Variants in NEK1 observed in about 807,000 individuals in gnomAD.
The protein encoded by NEK1 is serine/threonine-protein kinase Nek1.
NEK1 carries 137 observed loss-of-function variants against 182.1 expected under a neutral mutation model. The observed-to-expected ratio is 0.75, with a 90% confidence interval of 0.65 to 0.87. NEK1 has a LOEUF of 0.87. Among genes scored for constraint, NEK1 ranks in the 40% least tolerant of loss-of-function variants. The pLI, the probability that NEK1 is intolerant of heterozygous loss-of-function variation, is 0.00. For synonymous variants in NEK1, 513 were observed against 492.2 expected, an observed-to-expected ratio of 1.04 and a Z score of -0.56; for missense variants, 1,391 against 1,494.4, an observed-to-expected ratio of 0.93 and a Z score of 1.14.
chr4:169,596,735 G>C (rs1769560028), intron 5 of NEK1, among the ~76,000 whole-genome samples: 1 of 152,168 alleles, frequency 6.6e-6, no homozygotes, highest in African/African-American at 2.4e-5. Context: ...CAGTTTAATG[G>C]AGCTCTAAGT....
At chr4:169,608,987 G>C (rs1437833670) in intron 2 of NEK1, among the ~76,000 whole-genome samples, 1 of 151,080 alleles carries the variant, frequency 6.6e-6, no homozygotes, top group Non-Finnish European at 1.5e-5. Flanking sequence ...CTTGAACCTG[G>C]GAGGCAGAGG....
At chr4:169,605,215 G>A (rs1771135237) in intron 2 of NEK1, among the ~76,000 whole-genome samples, 1 of 152,040 alleles carries the variant, frequency 6.6e-6, no homozygotes, top group Non-Finnish European at 1.5e-5. Context: ...CCTTTCTAGG[G>A]ACCACACTAA....
intron 27 of NEK1, among the ~76,000 whole-genome samples, chr4:169,448,644 C>T (rs1176717507): frequency 2.0e-5 from 3 of 152,156 alleles, no homozygotes; most frequent in Non-Finnish European, 4.4e-5. Context: ...AATCAAAAGA[C>T]AGAGAGTGGC....
intron 12 of NEK1, among the ~76,000 whole-genome samples, chr4:169,570,520 C>T (rs1764605858): frequency 6.6e-6 from 1 of 150,572 alleles, no homozygotes; most frequent in Admixed American, 6.6e-5. Flanking sequence ...GGTCAGCCCC[C>T]CGCCCGGCCA....
chr4:169,396,814 C>T (rs1356822505), intron 35 of NEK1, among the ~76,000 whole-genome samples: 2 of 152,164 alleles, frequency 1.3e-5, no homozygotes, highest in African/African-American at 4.8e-5. Flanking sequence ...CTTACCCCTT[C>T]CCTTCTTTAC....
At position 169,477,236 on chromosome 4, in the gene NEK1, C is replaced by T. The variant is rs1295682843; in HGVS notation, c.2322G>A (p.Glu774=). Residue 774 remains glutamate, a synonymous_variant, in exon 26 of 36, where the codon GAG becomes GAA. Transcript: ENST00000507142. The part of the protein sequence containing the change: ...FEINVHEDAK[E]HEKEKSVSSD... ...ATGAAACTGATTTTTCTTTTTCATG[C>T]TCTTTGGCATCTTCATGAACATTTA... 6.2e-7 allele frequency: 1 copy of T among 1,603,510 alleles called. No individual in the cohort carries two copies. Among genetic ancestry groups the T allele is most frequent in the East Asian group, 2.2e-5 (1 of 44,646 alleles).
intron 23 of NEK1, among the ~76,000 whole-genome samples, chr4:169,498,121 T>C (rs1416746129): frequency 1.3e-5 from 2 of 152,246 alleles, no homozygotes; most frequent in African/African-American, 4.8e-5. Context: ...TTAGGATAGT[T>C]AGCTCTTCTT....
intron 5 of NEK1, among the ~76,000 whole-genome samples, chr4:169,594,671 T>C (rs373586260): frequency 2.0e-5 from 3 of 152,170 alleles, no homozygotes; most frequent in East Asian, 1.9e-4. Flanking sequence ...GTTACCTATT[T>C]GTTAGAAAAA....
intron 18 of NEK1, among the ~76,000 whole-genome samples, chr4:169,551,130 T>C (rs1187950177): frequency 3.3e-5 from 5 of 152,196 alleles, no homozygotes; most frequent in Non-Finnish European, 5.9e-5. Flanking sequence ...GTTTAAACAG[T>C]GCAGAATACA....
intron 11 of NEK1, among the ~76,000 whole-genome samples, chr4:169,579,263 C>G (rs960163920): frequency 1.3e-5 from 2 of 152,150 alleles, no homozygotes; most frequent in Non-Finnish European, 2.9e-5. Flanking sequence ...AATGCTCTTA[C>G]GACAAATTAC....
intron 32 of NEK1, among the ~76,000 whole-genome samples, chr4:169,403,795 T>C (rs1471714677): frequency 6.6e-6 from 1 of 152,120 alleles, no homozygotes; most frequent in Non-Finnish European, 1.5e-5. Context: ...CAAAAAACTT[T>C]AAGGTACTTA....
chr4:169,470,828 T>C (rs1208089963), intron 26 of NEK1, among the ~76,000 whole-genome samples: 1 of 152,214 alleles, frequency 6.6e-6, no homozygotes, highest in Non-Finnish European at 1.5e-5. Flanking sequence ...TCCTTTTCAT[T>C]CTTTTTTCTC....
intron 12 of NEK1, among the ~76,000 whole-genome samples, chr4:169,570,505 G>C (rs1279838139): frequency 1.2e-3 from 173 of 149,774 alleles, no homozygotes; most frequent in African/African-American, 3.9e-3. Flanking sequence ...GAAGGGAGGT[G>C]GGGGGGTCAG....
intron 18 of NEK1, chr4:169,554,882 G>A (rs1761948289): frequency 6.6e-6 from 1 of 152,170 alleles, no homozygotes; most frequent in African/African-American, 2.4e-5. Flanking sequence ...CAATACAGAG[G>A]TTGTGCATGT....
At chr4:169,422,739 T>C (rs1054220748) in intron 31 of NEK1, among the ~76,000 whole-genome samples, 1 of 152,220 alleles carries the variant, frequency 6.6e-6, no homozygotes, top group African/African-American at 2.4e-5. Flanking sequence ...TTGCTGTGGT[T>C]ACTTCCAGAG....
intron 19 of NEK1, among the ~76,000 whole-genome samples, chr4:169,509,907 T>C (rs1285677800): frequency 1.3e-5 from 2 of 152,192 alleles, no homozygotes. Context: ...GGTATTTTAC[T>C]AGTTATCCAG....
At chr4:169,530,840 T>C (rs776380977) in intron 19 of NEK1, among the ~76,000 whole-genome samples, 21 of 150,518 alleles carry the variant, frequency 1.4e-4, no homozygotes, top group Non-Finnish European at 3.1e-4. Context: ...TGGAAAAAAG[T>C]CTATATCACT....
intron 23 of NEK1, among the ~76,000 whole-genome samples, chr4:169,502,850 T>C (rs1379744628): frequency 6.6e-6 from 1 of 152,102 alleles, no homozygotes; most frequent in African/African-American, 2.4e-5. Context: ...TTAGCAATCC[T>C]ATTCAACATA....
intron 26 of NEK1, 141 bp from the exon 27 acceptor site, chr4:169,463,536 T>A (rs762325191): frequency 1.5e-5 from 7 of 453,242 alleles, no homozygotes; most frequent in Non-Finnish European, 2.3e-5. Context: ...AGGGAAAGAA[T>A]GATGAATAAT....
Sources: gnomAD v4.1 joint callset for allele counts (sites outside exome capture counted in the v4.1 genomes callset) on GRCh38, gnomAD v4.1.1 for gene constraint, MANE v1.5 for transcripts, NCBI Gene and HGNC (gene_info 2026-07-23, HGNC 2026-07-21) for gene names.